The following CRYBB3 variants were observed in gnomAD, a reference collection of about 807,000 sequenced individuals.
CRYBB3 encodes the protein beta-crystallin B3.
A neutral mutation model predicts 28.3 loss-of-function variants in CRYBB3; 35 were observed. That is an observed-to-expected ratio of 1.24 (90% CI 0.95 to 1.64). The LOEUF (loss-of-function observed/expected upper bound fraction) is 1.64, where lower values mean the gene tolerates loss of function less well. Ranked by LOEUF, CRYBB3 falls within the 40% of genes most tolerant of loss-of-function variation. The probability of loss-of-function intolerance (pLI) is 0.00; values close to 1 mark genes in which losing one functional copy is unlikely to be tolerated. For missense variants in CRYBB3, 296 were observed against 297.4 expected (o/e 1.00, Z 0.04); for synonymous variants, 106 against 110.4 (o/e 0.96, Z 0.25).
Position 25,202,666 on chromosome 22 carries a change from T to C in CRYBB3, c.76-8T>C. 1 of 1,613,726 alleles carries C rather than the reference T, an allele frequency of 6.2e-7. No individual in the cohort carries two copies. Among genetic ancestry groups the C allele is most frequent in the Non-Finnish European group, 8.5e-7 (1 of 1,179,850 alleles). On this transcript the variant is annotated splice_region_variant and splice_polypyrimidine_tract_variant and intron_variant, in intron 2 of 5. Transcript: ENST00000215855. ...AGAGGTGGGATGTTTAGGACTCTGC[T>C]CTTCTAGGTGATCTTGTACGAACTA...
intron 2 of CRYBB3, 29 bp from the exon 3 acceptor site, chr22:25,202,645 G>T: frequency 6.2e-7 from 1 of 1,613,060 alleles, no homozygotes; most frequent in Non-Finnish European, 8.5e-7. Flanking sequence ...CCTAGCAGAG[G>T]TGGGATGTTT....
At chr22:25,201,535 G>T in intron 2 of CRYBB3, 64 bp downstream of exon 2, 1 of 1,594,620 alleles carries the variant, frequency 6.3e-7, no homozygotes. Flanking sequence ...CATCTTCCCA[G>T]CCAAGCAGCA....
intron 5 of CRYBB3, among the ~76,000 whole-genome samples, chr22:25,206,663 C>T (rs1376544692): frequency 6.6e-6 from 1 of 152,020 alleles, no homozygotes; most frequent in Non-Finnish European, 1.5e-5. Flanking sequence ...CAGTGAGGTA[C>T]TCGATTCAGC....
chr22:25,206,938 T>G, intron 5 of CRYBB3, 109 bp from the exon 6 acceptor site: 1 of 843,182 alleles, frequency 1.2e-6, no homozygotes, highest in Non-Finnish European at 2.1e-6. Flanking sequence ...CCAAGGGCTC[T>G]GGGGAGCTAA....
At chr22:25,204,709 C>T (rs377599507) in intron 4 of CRYBB3, among the ~76,000 whole-genome samples, 1 of 152,192 alleles carries the variant, frequency 6.6e-6, no homozygotes, top group Non-Finnish European at 1.5e-5. Context: ...TGAGCCACCA[C>T]GCCCGGCCCA....
chr22:25,205,652 G>A (rs1935020989), intron 5 of CRYBB3, among the ~76,000 whole-genome samples: 1 of 151,992 alleles, frequency 6.6e-6, no homozygotes, highest in Non-Finnish European at 1.5e-5. Flanking sequence ...GTAGAGACGG[G>A]GTTTCACCGT....
intron 3 of CRYBB3, among the ~76,000 whole-genome samples, chr22:25,203,357 G>C (rs895074602): frequency 5.9e-5 from 9 of 152,172 alleles, no homozygotes; most frequent in African/African-American, 2.2e-4. Context: ...GATAACAATG[G>C]TACGTACTTC....
At chr22:25,206,666 G>A (rs568973478) in intron 5 of CRYBB3, among the ~76,000 whole-genome samples, 2 of 152,158 alleles carry the variant, frequency 1.3e-5, no homozygotes, top group African/African-American at 4.8e-5. Context: ...TGAGGTACTC[G>A]ATTCAGCCTG....
chr22:25,202,853 C>T (rs1163333856), intron 3 of CRYBB3, 61 bp downstream of exon 3: 2 of 1,602,502 alleles, frequency 1.2e-6, no homozygotes, highest in African/African-American at 2.7e-5. Flanking sequence ...GTGTGGAGGC[C>T]CCAGTCTGAG....
chr22:25,207,316 T>C lies in CRYBB3; in HGVS notation c.*104T>C. 2 of 1,010,910 alleles carry C rather than the reference T, an allele frequency of 2.0e-6. No homozygotes were observed. The highest frequency in any genetic ancestry group is 1.4e-6 in the Non-Finnish European group (1 of 698,530). 62.6% of individuals were successfully genotyped at this position (1,010,910 alleles called of 1,614,324 possible). On this transcript the variant is annotated 3_prime_UTR_variant, in exon 6 of 6. Transcript: ENST00000215855. ...GAGGGCCGACCTGTCCACCCTTCCC[T>C]GGAATCTGCTCAATAAAGCCTGGGG...
chr22:25,201,617 A>G, intron 2 of CRYBB3, 146 bp downstream of exon 2: 1 of 1,397,302 alleles, frequency 7.2e-7, no homozygotes, highest in Non-Finnish European at 9.4e-7. Flanking sequence ...GGGTCCTCTC[A>G]CTGCCACCCT....
chr22:25,202,720 T>C lies in CRYBB3; in HGVS notation c.122T>C (p.Leu41Pro), dbSNP rs758366876. 2 of 1,613,944 alleles carry C rather than the reference T, an allele frequency of 1.2e-6. No homozygotes were observed. Among genetic ancestry groups the C allele is most frequent in the Non-Finnish European group, 1.7e-6 (2 of 1,180,014 alleles). Residue 41 changes from leucine (L) to proline (P), a missense_variant, in exon 3 of 6, where the codon CTC becomes CCC. By Grantham distance (98) the Leu-to-Pro change is moderately conservative. Coordinates refer to ENST00000215855, the MANE Select transcript of CRYBB3 (RefSeq NM_004076.5). ...LENFQGKRCE[L>P]SAECPSLTDS... The stretch of plus-strand genomic sequence containing the variant: ...AACTTCCAAGGCAAACGCTGCGAGC[T>C]CTCGGCCGAGTGCCCCAGCCTGACC...
At position 25,205,291 on chromosome 22, in the gene CRYBB3, T is replaced by G. The variant is rs1218584541; in HGVS notation, c.399T>G (p.Asp133Glu). The part of the protein sequence containing the change: ...AFSGRKMEIV[D>E]DDVPSLWAHG... Reference sequence around the variant, plus strand: ...GTGGCCGCAAGATGGAGATAGTGGATGATGACGTGCCCAGCCTGTGGGCTC... The same window carrying G: ...GTGGCCGCAAGATGGAGATAGTGGAGGATGACGTGCCCAGCCTGTGGGCTC... The change falls in exon 5 of 6, where the codon GAT (aspartate) becomes GAG (glutamate). Residue 133 changes from aspartate to glutamate, a missense_variant. Asp to Glu is a conservative substitution (Grantham distance 45). Coordinates refer to ENST00000215855, the MANE Select transcript of CRYBB3 (RefSeq NM_004076.5). The G allele has an allele frequency of 6.2e-7, 1 of 1,614,062 alleles. No individual in the cohort carries two copies. Among genetic ancestry groups the G allele is most frequent in the South Asian group, 1.1e-5 (1 of 91,060 alleles).
chr22:25,205,334 G>A lies in CRYBB3; in HGVS notation c.442G>A (p.Val148Met), dbSNP rs1203112298. ...SLWAHGFQDR[V>M]ASVRAINGTW... ...GTGGGCTCATGGCTTCCAGGACCGT[G>A]TGGCGAGTGTCCGTGCCATCAACGG... Residue 148 changes from valine to methionine, a missense_variant, in exon 5 of 6, where the codon GTG (valine) becomes ATG (methionine). By Grantham distance (21) the Val-to-Met change is conservative. Coordinates refer to ENST00000215855, the MANE Select transcript of CRYBB3 (RefSeq NM_004076.5). 3 of 1,614,186 alleles carry A rather than the reference G, an allele frequency of 1.9e-6. No homozygotes were observed. Among genetic ancestry groups the A allele is most frequent in the Non-Finnish European group, 2.5e-6 (3 of 1,180,034 alleles).
At chr22:25,202,818 C>A in intron 3 of CRYBB3, 26 bp downstream of exon 3, 1 of 1,612,288 alleles carries the variant, frequency 6.2e-7, no homozygotes, top group South Asian at 1.1e-5. Context: ...CCCAGTCCCT[C>A]GCCACAGCCC....
chr22:25,201,493 A>G, intron 2 of CRYBB3, 22 bp downstream of exon 2: 1 of 1,610,894 alleles, frequency 6.2e-7, no homozygotes, highest in African/African-American at 1.3e-5. Context: ...GGAGGGGGTC[A>G]GAGGGCCCAG....
At chr22:25,205,148 C>T (rs894342428) in intron 4 of CRYBB3, 72 bp from the exon 5 acceptor site, 17 of 1,600,056 alleles carry the variant, frequency 1.1e-5, no homozygotes, top group South Asian at 5.5e-5. Context: ...TGATTCTTTC[C>T]GGCATCTGGA....
In CRYBB3 at chr22:25,201,564, G is replaced by A. The variant is rs1934949720; in HGVS notation, c.75+93G>A. The A allele has an allele frequency of 1.2e-5, 19 of 1,552,036 alleles. 1 individual carries two copies. The South Asian group carries it at 1.4e-4, about 11-fold the overall frequency. ...AGCAGCACCTCTGCAGGAAGGAAGA[G>A]CCATCCTTCCAACCACCCAGGCCAG... On this transcript the variant is annotated intron_variant, in intron 2 of 5. Coordinates refer to ENST00000215855, the MANE Select transcript of CRYBB3 (RefSeq NM_004076.5).
chr22:25,205,052 C>T (rs918913719), intron 4 of CRYBB3, among the ~76,000 whole-genome samples, 168 bp from the exon 5 acceptor site: 2 of 152,178 alleles, frequency 1.3e-5, no homozygotes, highest in Non-Finnish European at 2.9e-5. Context: ...GTCCCTCCTA[C>T]AGTGAATTTG....
Sources: gnomAD v4.1 joint callset for allele counts (sites outside exome capture counted in the v4.1 genomes callset) on GRCh38, gnomAD v4.1.1 for gene constraint, MANE v1.5 for transcripts, NCBI Gene and HGNC (gene_info 2026-07-23, HGNC 2026-07-21) for gene names.